The following EMX2 variants were observed in gnomAD, a reference collection of about 807,000 sequenced individuals.
EMX2 encodes the protein empty spiracles homeobox 2, also known as homeobox protein EMX2.
A neutral mutation model predicts 23.0 loss-of-function variants in EMX2; 6 were observed. That is an observed-to-expected ratio of 0.26 (90% CI 0.14 to 0.52). EMX2 has a LOEUF of 0.52. Among genes scored for constraint, EMX2 ranks in the 20% least tolerant of loss-of-function variants. EMX2 has a pLI of 0.97. For missense variants in EMX2, 302 were observed against 341.4 expected, an observed-to-expected ratio of 0.88 and a Z score of 0.91; for synonymous variants, 175 against 153.3, an observed-to-expected ratio of 1.14 and a Z score of -1.04.
rs555270979 is a variant in EMX2 at position 117,549,309 on chromosome 10, G to C, written c.*1077G>C. 6.6e-6 allele frequency: 1 copy of C among 152,572 alleles called. No individual in the cohort carries two copies. The highest frequency in any genetic ancestry group is 1.5e-5 in the Non-Finnish European group (1 of 68,040). 9.5% of individuals were successfully genotyped at this position (152,572 alleles called of 1,614,324 possible). On this transcript the variant is annotated 3_prime_UTR_variant, in exon 3 of 3. Coordinates refer to ENST00000553456, the MANE Select transcript of EMX2 (RefSeq NM_004098.4). ...CAAAACCTGAAGGACTGTAGTTAGC[G>C]GGGATGATGTTAAGTGTGGCCAAGC...
Position 117,543,483 on chromosome 10 carries a change from C to G in EMX2, c.216C>G (p.Ala72=). The change falls in exon 1 of 3, where the codon GCC becomes GCG. Residue 72 remains alanine, a synonymous_variant. Transcript: ENST00000553456. ...GVYSNPDLVF[A]EAVSHPPNPA... ...ACTCCAACCCGGACTTGGTGTTCGCCGAGGCGGTCTCGCACCCGCCCAACC... is the reference window on the plus strand; with the variant it reads ...ACTCCAACCCGGACTTGGTGTTCGCGGAGGCGGTCTCGCACCCGCCCAACC... The G allele has an allele frequency of 6.2e-7, 1 of 1,609,938 alleles. No individual in the cohort carries two copies.
At position 117,549,012 on chromosome 10, in the gene EMX2, AAGTAGGCTC is replaced by A. The variant is rs1184290050; in HGVS notation, c.*783_*791del. 1.3e-5 allele frequency: 2 copies of A among 159,172 alleles called. No individual in the cohort carries two copies. The highest frequency in any genetic ancestry group is 2.7e-5 in the Non-Finnish European group (2 of 74,034). The allele number at this position is 159,172 out of a possible 1,614,324, so 9.9% of individuals were successfully genotyped here. On this transcript the variant is annotated 3_prime_UTR_variant, in exon 3 of 3. Coordinates refer to ENST00000553456, the MANE Select transcript of EMX2 (RefSeq NM_004098.4). ...TCAAAGTGATTGTGCAAGCTAAATGAAGTAGGCTCAGCGATAGTGGTCCTCTTACAGAGA... is the reference window on the plus strand; with the variant it reads ...TCAAAGTGATTGTGCAAGCTAAATGAAGCGATAGTGGTCCTCTTACAGAGA...
rs376235349 is a variant in EMX2 at position 117,548,195 on chromosome 10, C to A, written c.722C>A (p.Ala241Glu). The A allele has an allele frequency of 6.2e-7, 1 of 1,613,744 alleles. No homozygotes were observed. Among genetic ancestry groups the A allele is most frequent in the Non-Finnish European group, 8.5e-7 (1 of 1,179,940 alleles). The part of the protein sequence containing the change: ...INRWRIATKQ[A>E]SPEEIDVTSD... ...CGGTGGAGAATCGCCACCAAGCAGG[C>A]GAGTCCGGAGGAAATAGACGTGACC... Residue 241 changes from alanine (A) to glutamate (E), a missense_variant, in exon 3 of 3, where the codon GCG becomes GAG. Around this residue, in one of 4 missense-constraint regions of EMX2, gnomAD observed 42 missense variants for 49.3 expected, o/e 0.85. Transcript: ENST00000553456.
chr10:117,545,948 C>G (rs566752959), intron 2 of EMX2, 132 bp downstream of exon 2: 84 of 1,296,392 alleles, frequency 6.5e-5, no homozygotes, highest in Admixed American at 1.0e-4. Context: ...GGTTCCACGC[C>G]TGGGCTCGGG....
At chr10:117,546,077 G>A (rs938487790) in intron 2 of EMX2, among the ~76,000 whole-genome samples, 5 of 152,246 alleles carry the variant, frequency 3.3e-5, no homozygotes, top group African/African-American at 1.2e-4. Flanking sequence ...GCATGTCCTG[G>A]CTAAGACATC....
chr10:117,546,658 C>T (rs533207415), intron 2 of EMX2, among the ~76,000 whole-genome samples: 4 of 152,390 alleles, frequency 2.6e-5, no homozygotes, highest in African/African-American at 7.2e-5. Context: ...CGCGGCCCGG[C>T]TGATTTCTCC....
Position 117,545,636 on chromosome 10 carries a change from C to T in EMX2, c.411C>T (p.Asn137=). ...TTTCTGCTGTGCTCCCCGCAGGGAA[C>T]GACACTAGCCCCGAGAGTTTCCTTT... is the stretch of plus-strand genomic sequence containing the variant. ...YRYLGHRFQG[N]DTSPESFLLH... Residue 137 remains asparagine (N), a synonymous_variant, in exon 2 of 3, where the codon AAC becomes AAT. Transcript: ENST00000553456. 1.2e-6 allele frequency: 2 copies of T among 1,614,060 alleles called. No individual in the cohort carries two copies. Among genetic ancestry groups the T allele is most frequent in the Non-Finnish European group, 1.7e-6 (2 of 1,180,038 alleles).
At position 117,543,423 on chromosome 10, in the gene EMX2, C is replaced by G. The variant is rs752738842; in HGVS notation, c.156C>G (p.His52Gln). 6.3e-7 allele frequency: 1 copy of G among 1,597,288 alleles called. No individual in the cohort carries two copies. The highest frequency in any genetic ancestry group is 1.7e-5 in the Admixed American group (1 of 58,288). ...SPINPFLNGF[H>Q]SAAAAAAGRG... Reference sequence around the variant, plus strand: ...TAAATCCGTTCCTCAACGGCTTCCACTCGGCCGCCGCCGCCGCCGCCGGTA... The same window carrying G: ...TAAATCCGTTCCTCAACGGCTTCCAGTCGGCCGCCGCCGCCGCCGCCGGTA... The change falls in exon 1 of 3, where the codon CAC becomes CAG. Residue 52 changes from histidine to glutamine, a missense_variant. Around this residue, in one of 4 missense-constraint regions of EMX2, gnomAD observed 221 missense variants for 206.8 expected, o/e 1.07. Coordinates refer to ENST00000553456, the MANE Select transcript of EMX2 (RefSeq NM_004098.4).
intron 1 of EMX2, 27 bp downstream of exon 1, chr10:117,543,700 C>A (rs370645871): frequency 1.2e-5 from 20 of 1,611,152 alleles, no homozygotes; most frequent in Non-Finnish European, 1.7e-5. Context: ...GGAACTGCAG[C>A]GCGCCGCTCC....
chr10:117,545,547 T>G (rs1429589369), intron 1 of EMX2, 85 bp from the exon 2 acceptor site: 23 of 1,560,316 alleles, frequency 1.5e-5, no homozygotes, highest in Middle Eastern at 2.2e-4. Context: ...CTGAGCACGG[T>G]GCCGGGCCAG....
At chr10:117,544,007 C>A (rs436609) in intron 1 of EMX2, among the ~76,000 whole-genome samples, 87,534 of 151,736 alleles carry the variant, frequency 0.58, 25,782 homozygotes, top group Non-Finnish European at 0.64. Context: ...GCGGGATCCC[C>A]AGGCTCCTGG....
Position 117,543,368 on chromosome 10 carries a change from C to T in EMX2, c.101C>T (p.Ala34Val). The stretch of plus-strand genomic sequence containing the variant: ...CGCTCCGAGGACCCCATCCGTCCCG[C>T]GGCACTCAGCTACGCTAACTCCAGC... ...ASRSEDPIRP[A>V]ALSYANSSPI... Residue 34 changes from alanine (A) to valine (V), a missense_variant, in exon 1 of 3, where the codon GCG becomes GTG. Ala to Val is a moderately conservative substitution (Grantham distance 64, BLOSUM62 0). Transcript: ENST00000553456. 1 of 1,569,446 alleles carries T rather than the reference C, an allele frequency of 6.4e-7. No individual in the cohort carries two copies. The highest frequency in any genetic ancestry group is 1.9e-5 in the Admixed American group (1 of 53,646).
chr10:117,548,853 C>T lies in EMX2; in HGVS notation c.*621C>T, dbSNP rs1846619049. On this transcript the variant is annotated 3_prime_UTR_variant, in exon 3 of 3. Coordinates refer to ENST00000553456, the MANE Select transcript of EMX2 (RefSeq NM_004098.4). Reference sequence around the variant, plus strand: ...TGAAATGCATGTAGCAGTTGTTGGGCGAATGGTGTTTAAAGACCGAAAATG... The same window carrying T: ...TGAAATGCATGTAGCAGTTGTTGGGTGAATGGTGTTTAAAGACCGAAAATG... 3 of 396,954 alleles carry T rather than the reference C, an allele frequency of 7.6e-6. No individual in the cohort carries two copies. Among genetic ancestry groups the T allele is most frequent in the African/African-American group, 4.1e-5 (2 of 48,536 alleles). 24.6% of individuals were successfully genotyped at this position (396,954 alleles called of 1,614,324 possible). A position where few individuals can be genotyped will look rare whatever the true frequency, so the allele number is the denominator to read the frequency against.
chr10:117,543,726 T>G (rs1002394195), intron 1 of EMX2, 53 bp downstream of exon 1: 1 of 1,612,558 alleles, frequency 6.2e-7, no homozygotes, highest in African/African-American at 1.3e-5. Flanking sequence ...CATCCTTCAC[T>G]GCCCCCGGCC....
chr10:117,545,872 C>A (rs1846571414), intron 2 of EMX2, 56 bp downstream of exon 2: 2 of 1,610,556 alleles, frequency 1.2e-6, no homozygotes, highest in Non-Finnish European at 1.7e-6. Context: ...CTCCCCAAAG[C>A]TGGCTCCCAA....
chr10:117,547,618 G>T (rs182496001), intron 2 of EMX2, among the ~76,000 whole-genome samples: 88 of 152,376 alleles, frequency 5.8e-4, no homozygotes, highest in South Asian at 1.7e-3. Context: ...ATTGGGCCCT[G>T]AGGGGAGCTG....
At chr10:117,547,725 G>T (rs1431940203) in intron 2 of EMX2, among the ~76,000 whole-genome samples, 3 of 152,216 alleles carry the variant, frequency 2.0e-5, no homozygotes, top group Non-Finnish European at 4.4e-5. Context: ...TTTTGTAGGG[G>T]CTTCCCATGC....
In EMX2 at chr10:117,548,311, C is replaced by G; in HGVS notation, c.*79C>G. 1 of 1,559,812 alleles carries G rather than the reference C, an allele frequency of 6.4e-7. No homozygotes were observed. The highest frequency in any genetic ancestry group is 8.7e-7 in the Non-Finnish European group (1 of 1,153,922). On this transcript the variant is annotated 3_prime_UTR_variant, in exon 3 of 3. Transcript: ENST00000553456. ...AGAGGTGGAGAAGGAAAAAACCCTACAAAACAAAAACAAACCGCATACACG... is the reference window on the plus strand; with the variant it reads ...AGAGGTGGAGAAGGAAAAAACCCTAGAAAACAAAAACAAACCGCATACACG...
chr10:117,543,484 G>C lies in EMX2; in HGVS notation c.217G>C (p.Glu73Gln). The change falls in exon 1 of 3, where the codon GAG becomes CAG. Residue 73 changes from glutamate to glutamine, a missense_variant. Coordinates refer to ENST00000553456, the MANE Select transcript of EMX2 (RefSeq NM_004098.4). The part of the protein sequence containing the change: ...VYSNPDLVFA[E>Q]AVSHPPNPAV... Reference sequence around the variant, plus strand: ...CTCCAACCCGGACTTGGTGTTCGCCGAGGCGGTCTCGCACCCGCCCAACCC... The same window carrying C: ...CTCCAACCCGGACTTGGTGTTCGCCCAGGCGGTCTCGCACCCGCCCAACCC... The C allele has an allele frequency of 6.2e-7, 1 of 1,609,614 alleles. No individual in the cohort carries two copies. The highest frequency in any genetic ancestry group is 1.7e-5 in the Admixed American group (1 of 59,748).
Sources: gnomAD v4.1 joint callset for allele counts (sites outside exome capture counted in the v4.1 genomes callset) on GRCh38, gnomAD v4.1.1 for gene constraint, gnomAD v4.1.1 regional missense constraint, MANE v1.5 for transcripts, NCBI Gene and HGNC (gene_info 2026-07-23, HGNC 2026-07-21) for gene names.